Variants in KDM4C observed in about 807,000 individuals in gnomAD.
The protein encoded by KDM4C is lysine demethylase 4C.
Under a neutral mutation model 129.3 loss-of-function variants are expected in KDM4C, and 81 were observed. That is an observed-to-expected ratio of 0.63 (90% CI 0.52 to 0.75). The LOEUF is 0.75. KDM4C is among the 30% of genes least tolerant of loss of function. KDM4C has a pLI of 0.00. For synonymous variants in KDM4C, 573 were observed against 456.1 expected (o/e 1.26, Z -3.26); for missense variants, 1,457 against 1,304.0 (o/e 1.12, Z -1.81).
upstream of KDM4C, chr9:6,757,604 C>A: frequency 1.0e-6 from 1 of 984,236 alleles, no homozygotes; most frequent in East Asian, 1.1e-4. Context: ...AGGCTCCACC[C>A]CGGTAACGCC....
At chr9:7,148,552 C>T (rs1280431797) in intron 19 of KDM4C, among the ~76,000 whole-genome samples, 1 of 152,244 alleles carries the variant, frequency 6.6e-6, no homozygotes, top group Non-Finnish European at 1.5e-5. Context: ...TTCACTGCCA[C>T]TGTCTGGGAG....
chr9:7,131,020 C>T (rs1015330941), intron 19 of KDM4C, among the ~76,000 whole-genome samples: 5 of 151,770 alleles, frequency 3.3e-5, no homozygotes, highest in Non-Finnish European at 5.9e-5. Flanking sequence ...CCTCCCGCCT[C>T]GGCATCCCAA....
At chr9:6,885,355 T>A (rs1207753237) in intron 6 of KDM4C, among the ~76,000 whole-genome samples, 1 of 152,242 alleles carries the variant, frequency 6.6e-6, no homozygotes, top group Admixed American at 6.5e-5. Context: ...AAACATCCTT[T>A]GGATGGGTAT....
chr9:6,844,718 C>G (rs938040258), intron 4 of KDM4C, among the ~76,000 whole-genome samples: 56 of 152,102 alleles, frequency 3.7e-4, no homozygotes, highest in African/African-American at 1.4e-3. Context: ...GATGGAGTCT[C>G]GCTTTGTTGC....
intron 21 of KDM4C, among the ~76,000 whole-genome samples, chr9:7,171,627 T>A (rs1006118314): frequency 1.3e-5 from 2 of 152,160 alleles, no homozygotes; most frequent in Non-Finnish European, 2.9e-5. Flanking sequence ...TCTTGTAGAT[T>A]TCAAATACTG....
At chr9:7,142,241 A>G (rs905032395) in intron 19 of KDM4C, among the ~76,000 whole-genome samples, 12 of 152,124 alleles carry the variant, frequency 7.9e-5, no homozygotes, top group Admixed American at 6.6e-4. Context: ...TATTCTGTGC[A>G]TGCAGCCTTG....
At chr9:6,932,935 T>C (rs1563837271) in intron 8 of KDM4C, among the ~76,000 whole-genome samples, 1 of 152,210 alleles carries the variant, frequency 6.6e-6, no homozygotes. Flanking sequence ...GTAACCATCT[T>C]TCATGCATTA....
intron 17 of KDM4C, among the ~76,000 whole-genome samples, chr9:7,097,725 A>G (rs576049225): frequency 7.2e-5 from 11 of 152,066 alleles, no homozygotes; most frequent in Admixed American, 5.2e-4. Flanking sequence ...TATCTTTCCT[A>G]TTGTGATTAT....
chr9:7,077,094 A>C, intron 17 of KDM4C: 1 of 985,512 alleles, frequency 1.0e-6, no homozygotes, highest in Non-Finnish European at 1.2e-6. Context: ...TCAAAGTTCT[A>C]TCTGGGTGAT....
At chr9:7,156,906 TGATGGG>T (rs1843235721) in intron 19 of KDM4C, among the ~76,000 whole-genome samples, 1 of 152,222 alleles carries the variant, frequency 6.6e-6, no homozygotes, top group South Asian at 2.1e-4. Context: ...ATTGGTAGCT[TGATGGG>T]GATGGCATTG....
Position 7,115,288 on chromosome 9 carries a change from C to T in KDM4C, c.2610+11418C>T, listed in dbSNP as rs73411407. Among the ~76,000 whole-genome samples, 990 of 152,032 alleles carry T rather than the reference C, an allele frequency of 6.5e-3. 12 individuals carry two copies. The highest frequency in any genetic ancestry group is 0.023 in the African/African-American group (943 of 41,462). Reference sequence around the variant, plus strand: ...TTTTTGCACAGAATTAATATTTCTCCGTTCCCAGGAAATTTTAAGCTTTTC... The same window carrying T: ...TTTTTGCACAGAATTAATATTTCTCTGTTCCCAGGAAATTTTAAGCTTTTC... On this transcript the variant is annotated intron_variant, in intron 18 of 21. Transcript: ENST00000381309.
At chr9:6,853,162 T>C (rs982316520) in intron 5 of KDM4C, among the ~76,000 whole-genome samples, 1 of 152,154 alleles carries the variant, frequency 6.6e-6, no homozygotes, top group Non-Finnish European at 1.5e-5. Context: ...TCCATCTCTT[T>C]AAGGGCAGGC....
intron 5 of KDM4C, among the ~76,000 whole-genome samples, chr9:6,876,189 A>G (rs928561209): frequency 3.9e-5 from 6 of 152,070 alleles, no homozygotes; most frequent in African/African-American, 1.5e-4. Flanking sequence ...AGTTTACTGG[A>G]TGTGGGGGGC....
chr9:7,146,838 A>ACACGATTGTC (rs1294922587), intron 19 of KDM4C, among the ~76,000 whole-genome samples: 7 of 152,196 alleles, frequency 4.6e-5, no homozygotes, highest in Non-Finnish European at 1.0e-4. Context: ...AGGATAACAA[A>ACACGATTGTC]CACGATTGTC....
At chr9:6,929,471 C>CTTTTTTTTTTTTTTTTTT (rs59537472) in intron 8 of KDM4C, among the ~76,000 whole-genome samples, 1 of 127,528 alleles carries the variant, frequency 7.8e-6, no homozygotes, top group South Asian at 2.4e-4. Flanking sequence ...TTGACTTTTT[C>CTTTTTTTTTTTTTTTTTT]TTTTTTTTTT....
intron 17 of KDM4C, among the ~76,000 whole-genome samples, chr9:7,054,176 C>G (rs1830569671): frequency 6.6e-6 from 1 of 152,158 alleles, no homozygotes. Flanking sequence ...TAATAGGAGG[C>G]TACTGAGGAC....
chr9:7,097,737 G>C (rs1379582141), intron 17 of KDM4C, among the ~76,000 whole-genome samples: 1 of 152,142 alleles, frequency 6.6e-6, no homozygotes, highest in Non-Finnish European at 1.5e-5. Context: ...TGTGATTATG[G>C]CTGTAAAGCT....
chr9:6,779,728 A>C (rs1263401887), intron 1 of KDM4C, among the ~76,000 whole-genome samples: 1 of 152,222 alleles, frequency 6.6e-6, no homozygotes, highest in Non-Finnish European at 1.5e-5. Context: ...TAACCAGAGC[A>C]GTGTCTATGG....
chr9:6,846,132 A>G (rs148287400), intron 4 of KDM4C, among the ~76,000 whole-genome samples: 170 of 152,344 alleles, frequency 1.1e-3, no homozygotes, highest in African/African-American at 3.8e-3. Context: ...TGAACCTCAG[A>G]TCTTTGTTGA....
Sources: gnomAD v4.1 joint callset for allele counts (sites outside exome capture counted in the v4.1 genomes callset) on GRCh38, gnomAD v4.1.1 for gene constraint, MANE v1.5 for transcripts, NCBI Gene and HGNC (gene_info 2026-07-23, HGNC 2026-07-21) for gene names.